Variants in MAMLD1 observed in about 807,000 individuals in gnomAD.
MAMLD1 encodes mastermind like domain containing 1, also known as mastermind-like domain-containing protein 1.
Under a neutral mutation model 45.0 loss-of-function variants are expected in MAMLD1, and 14 were observed. The ratio of observed to expected loss-of-function variants is 0.31; its 90% CI spans 0.21 to 0.49. The LOEUF (loss-of-function observed/expected upper bound fraction) is 0.49. Among genes scored for constraint, MAMLD1 ranks in the 20% least tolerant of loss-of-function variants. The pLI, the probability that MAMLD1 is intolerant of heterozygous loss-of-function variation, is 0.99. For synonymous variants in MAMLD1, 254 were observed against 247.8 expected, an observed-to-expected ratio of 1.02 and a Z score of -0.24; for missense variants, 543 against 603.6, an observed-to-expected ratio of 0.90 and a Z score of 1.05.
chrX:150,435,381 G>C (rs1488213821), intron 1 of MAMLD1, among the ~76,000 whole-genome samples: 1 of 110,994 alleles, frequency 9.0e-6, no homozygotes, highest in Non-Finnish European at 1.9e-5. Flanking sequence ...TGGGCATGGT[G>C]GCAGGCACCT....
At chrX:150,409,521 T>C (rs1337555258) in intron 1 of MAMLD1, among the ~76,000 whole-genome samples, 1 of 111,510 alleles carries the variant, frequency 9.0e-6, no homozygotes, top group Non-Finnish European at 1.9e-5. Flanking sequence ...TGAAGAGAGA[T>C]GCAAAGGGCT....
At chrX:150,385,207 A>G (rs1959600213) in intron 1 of MAMLD1, among the ~76,000 whole-genome samples, 1 of 109,434 alleles carries the variant, frequency 9.1e-6, no homozygotes, top group Non-Finnish European at 1.9e-5. Flanking sequence ...GCTTATTTCC[A>G]CTTCAGGTCA....
chrX:150,471,411 T>G lies in MAMLD1; in HGVS notation c.1838T>G (p.Leu613Arg). 4.1e-6 allele frequency: 5 copies of G among 1,212,062 alleles called. No individual in the cohort carries two copies. Among genetic ancestry groups the G allele is most frequent in the Non-Finnish European group, 5.6e-6 (5 of 895,543 alleles). Reference sequence around the variant, plus strand: ...CAGCAGCCTGACCATTCTTCATTCCTTCTGCAGCAGATGATGCAGCAACCC... The same window carrying G: ...CAGCAGCCTGACCATTCTTCATTCCGTCTGCAGCAGATGATGCAGCAACCC... ...QQQQPDHSSF[L>R]LQQMMQQPQR... Residue 613 changes from leucine (L) to arginine (R), a missense_variant, in exon 4 of 8, where the codon CTT becomes CGT. By Grantham distance (102) the Leu-to-Arg change is moderately radical (BLOSUM62 -2). Transcript: ENST00000370401.
chrX:150,456,850 G>A (rs1557405355), intron 2 of MAMLD1, among the ~76,000 whole-genome samples: 1 of 112,529 alleles, frequency 8.9e-6, no homozygotes, highest in African/African-American at 3.2e-5. Context: ...GAGGGGCTGG[G>A]AGGCAGAAGA....
intron 5 of MAMLD1, among the ~76,000 whole-genome samples, chrX:150,476,945 C>A (rs1333611806): frequency 2.7e-5 from 3 of 113,123 alleles, no homozygotes; most frequent in Non-Finnish European, 5.6e-5. Context: ...GAAGCCCCCA[C>A]TATCCCCACC....
chrX:150,475,834 A>G (rs12863657), intron 5 of MAMLD1, among the ~76,000 whole-genome samples: 4 of 112,239 alleles, frequency 3.6e-5, no homozygotes, highest in East Asian at 2.8e-4. Context: ...TACAGGCTCA[A>G]TCAGGGCTAG....
intron 1 of MAMLD1, among the ~76,000 whole-genome samples, chrX:150,365,573 A>G (rs1307320443): frequency 3.5e-5 from 4 of 113,240 alleles, no homozygotes; most frequent in South Asian, 7.0e-4. Flanking sequence ...GCCGGAGCTC[A>G]GGGCAGCTGT....
At chrX:150,482,279 C>A (rs970206308) in intron 5 of MAMLD1, among the ~76,000 whole-genome samples, 1 of 112,628 alleles carries the variant, frequency 8.9e-6, no homozygotes, top group African/African-American at 3.2e-5. Context: ...AATATTGTAT[C>A]ATTCCACTCA....
At chrX:150,495,109 G>A (rs1441487813) in intron 5 of MAMLD1, among the ~76,000 whole-genome samples, 1 of 111,583 alleles carries the variant, frequency 9.0e-6, no homozygotes, top group African/African-American at 3.3e-5. Flanking sequence ...AGGAGGCTGA[G>A]GCAGGAGAAT....
intron 5 of MAMLD1, among the ~76,000 whole-genome samples, chrX:150,475,699 C>G (rs1347450819): frequency 4.5e-5 from 5 of 111,915 alleles, no homozygotes; most frequent in African/African-American, 1.3e-4. Flanking sequence ...GTCCCATGAG[C>G]AATGTTACTC....
At chrX:150,449,033 A>G (rs782802408) in intron 2 of MAMLD1, among the ~76,000 whole-genome samples, 2 of 111,751 alleles carry the variant, frequency 1.8e-5, no homozygotes, top group South Asian at 7.6e-4. Context: ...TTCTGTGTTC[A>G]GCCATTTAAT....
At chrX:150,408,703 G>A (rs2034053973) in intron 1 of MAMLD1, among the ~76,000 whole-genome samples, 1 of 112,019 alleles carries the variant, frequency 8.9e-6, no homozygotes, top group South Asian at 3.7e-4. Flanking sequence ...GAACTCCTAA[G>A]TGGATGTTTA....
At chrX:150,371,970 G>C (rs886676764) in intron 1 of MAMLD1, among the ~76,000 whole-genome samples, 2 of 112,122 alleles carry the variant, frequency 1.8e-5, no homozygotes, top group Non-Finnish European at 3.8e-5. Flanking sequence ...ACATAGTAAA[G>C]GGAGCCCAAA....
Position 150,379,708 on chromosome X carries a change from T to C in MAMLD1, c.-64+16178T>C, listed in dbSNP as rs146792686. On this transcript the variant is annotated intron_variant, in intron 1 of 7. Transcript: ENST00000370401. ...CTGTAAGTAACCAACTTCATTAGCTTTTCTGTGTTTCCTTTTGCACAAATG... is the reference window on the plus strand; with the variant it reads ...CTGTAAGTAACCAACTTCATTAGCTCTTCTGTGTTTCCTTTTGCACAAATG... Among the ~76,000 whole-genome samples the C allele has an allele frequency of 7.6e-3, 859 of 112,321 alleles. 3 individuals are homozygous for C. The highest frequency in any genetic ancestry group is 0.012 in the Non-Finnish European group (650 of 53,203).
intron 1 of MAMLD1, among the ~76,000 whole-genome samples, chrX:150,431,943 G>T (rs1164470818): frequency 9.0e-6 from 1 of 111,519 alleles, no homozygotes; most frequent in Non-Finnish European, 1.9e-5. Context: ...CATGATAATG[G>T]GATGGCTGGG....
chrX:150,478,788 T>C (rs1212617243), intron 5 of MAMLD1, among the ~76,000 whole-genome samples: 71 of 112,650 alleles, frequency 6.3e-4, no homozygotes, highest in African/African-American at 2.3e-3. Context: ...TATTTTGTAT[T>C]TAAACATGAT....
At chrX:150,454,960 C>T (rs928404683) in intron 2 of MAMLD1, among the ~76,000 whole-genome samples, 1 of 111,737 alleles carries the variant, frequency 8.9e-6, no homozygotes, top group East Asian at 2.8e-4. Context: ...TTACTATCGC[C>T]ATCCCCTCTA....
At chrX:150,404,356 G>A (rs2033947085) in intron 1 of MAMLD1, among the ~76,000 whole-genome samples, 1 of 111,786 alleles carries the variant, frequency 8.9e-6, no homozygotes, top group Admixed American at 9.5e-5. Flanking sequence ...GAAAGTACAA[G>A]TGAAAATATA....
chrX:150,425,147 AGAC>A (rs1442362866), intron 1 of MAMLD1, among the ~76,000 whole-genome samples: 1 of 112,036 alleles, frequency 8.9e-6, no homozygotes, highest in East Asian at 2.8e-4. Flanking sequence ...ACCTGATGAT[AGAC>A]ATTTGGGTTG....
Sources: allele counts gnomAD v4.1 joint callset (sites outside exome capture counted in the v4.1 genomes callset), GRCh38; gene constraint gnomAD v4.1.1; transcripts MANE v1.5; gene names NCBI Gene and HGNC (gene_info 2026-07-23, HGNC 2026-07-21).